ASTN1: variants seen among roughly 807,000 people sequenced by gnomAD.
The protein encoded by ASTN1 is astrotactin 1.
In ASTN1, 41 loss-of-function variants were observed where a neutral mutation model predicts 140.7. The ratio of observed to expected loss-of-function variants is 0.29; its 90% confidence interval spans 0.23 to 0.38. The LOEUF is 0.38. Among genes scored for constraint, ASTN1 ranks in the 10% least tolerant of loss-of-function variants. The probability of loss-of-function intolerance (pLI) is 1.00; values close to 1 mark genes in which losing one functional copy is unlikely to be tolerated. For synonymous variants in ASTN1, 640 were observed against 652.2 expected (o/e 0.98, Z 0.29); for missense variants, 1,479 against 1,678.8 (o/e 0.88, Z 2.08).
chr1:176,891,650 G>A lies in ASTN1; in HGVS notation c.2940+2912C>T, dbSNP rs1313622686. 2.0e-5 allele frequency among the ~76,000 whole-genome samples: 3 copies of A among 152,180 alleles called. No homozygotes were observed. The East Asian group carries it at 5.8e-4, about 30-fold the overall frequency. On this transcript the variant is annotated intron_variant, in intron 17 of 22. Transcript: ENST00000361833. The stretch of plus-strand genomic sequence containing the variant: ...CTCTACCAAAAATACAAAATTAGCT[G>A]AGCATGGTGGCACATGCCTGTAATC...
chr1:177,085,045 C>T (rs1679363165), intron 1 of ASTN1, among the ~76,000 whole-genome samples: 1 of 152,030 alleles, frequency 6.6e-6, no homozygotes, highest in Admixed American at 6.6e-5. Context: ...GAGAAATGAA[C>T]CCAGGAAAGG....
intron 1 of ASTN1, among the ~76,000 whole-genome samples, chr1:177,105,036 C>T (rs1337567826): frequency 2.6e-5 from 4 of 152,064 alleles, no homozygotes; most frequent in African/African-American, 9.7e-5. Flanking sequence ...AGACTCACTG[C>T]CTAGGGAGTC....
intron 16 of ASTN1, among the ~76,000 whole-genome samples, chr1:176,931,249 C>T (rs1268872354): frequency 6.6e-6 from 1 of 152,082 alleles, no homozygotes; most frequent in Non-Finnish European, 1.5e-5. Flanking sequence ...GGCAGATCAC[C>T]TGAGGTCGGG....
At chr1:177,032,414 G>T in intron 3 of ASTN1, 42 bp downstream of exon 3, 1 of 1,588,864 alleles carries the variant, frequency 6.3e-7, no homozygotes, top group Non-Finnish European at 8.6e-7. Flanking sequence ...AGCTCCTTGA[G>T]ATGAAGGACC....
chr1:176,924,459 T>C (rs1321491101), intron 16 of ASTN1, among the ~76,000 whole-genome samples: 1 of 152,226 alleles, frequency 6.6e-6, no homozygotes, highest in African/African-American at 2.4e-5. Context: ...CTCTGGTACA[T>C]CAACTGGCTT....
At chr1:177,158,114 C>T (rs1683315547) in intron 1 of ASTN1, among the ~76,000 whole-genome samples, 3 of 152,198 alleles carry the variant, frequency 2.0e-5, no homozygotes, top group Admixed American at 6.5e-5. Flanking sequence ...AAGCATCAGG[C>T]ATATACATTT....
At chr1:177,071,545 C>G (rs908229890) in intron 1 of ASTN1, among the ~76,000 whole-genome samples, 1 of 152,174 alleles carries the variant, frequency 6.6e-6, no homozygotes, top group African/African-American at 2.4e-5. Flanking sequence ...AGGGAACAGG[C>G]TTTCCACCCC....
chr1:176,876,419 C>T (rs1426186795), intron 21 of ASTN1, 118 bp downstream of exon 21: 5 of 1,081,124 alleles, frequency 4.6e-6, no homozygotes, highest in South Asian at 1.5e-5. Flanking sequence ...TTGAATTCTC[C>T]TTCCCTGCTG....
chr1:176,910,390 C>T (rs1224090413), intron 16 of ASTN1, among the ~76,000 whole-genome samples: 1 of 152,140 alleles, frequency 6.6e-6, no homozygotes, highest in African/African-American at 2.4e-5. Flanking sequence ...AGTCAGAAGA[C>T]CCTAACAAAC....
chr1:176,993,647 G>C (rs1316185089), intron 8 of ASTN1, among the ~76,000 whole-genome samples: 1 of 152,150 alleles, frequency 6.6e-6, no homozygotes, highest in Non-Finnish European at 1.5e-5. Context: ...GACTCTATTA[G>C]CTTGTCATTT....
chr1:177,120,009 T>A (rs555653577), intron 1 of ASTN1, among the ~76,000 whole-genome samples: 1 of 152,110 alleles, frequency 6.6e-6, no homozygotes, highest in Non-Finnish European at 1.5e-5. Flanking sequence ...AGGAACTTGA[T>A]AAAGAATCCA....
At chr1:177,104,018 C>T (rs761467618) in intron 1 of ASTN1, among the ~76,000 whole-genome samples, 3 of 152,100 alleles carry the variant, frequency 2.0e-5, no homozygotes, top group Non-Finnish European at 1.5e-5. Context: ...CGTGCAGTAA[C>T]GCATCCAACA....
chr1:176,912,720 G>T (rs915969791), intron 16 of ASTN1, among the ~76,000 whole-genome samples: 1 of 152,156 alleles, frequency 6.6e-6, no homozygotes, highest in African/African-American at 2.4e-5. Context: ...AAGGAACACA[G>T]GGGGATGGTG....
At chr1:177,007,048 G>A (rs113543908) in intron 8 of ASTN1, among the ~76,000 whole-genome samples, 28 of 152,238 alleles carry the variant, frequency 1.8e-4, no homozygotes, top group Admixed American at 5.2e-4. Flanking sequence ...TTGACTACCA[G>A]CTATGTGACC....
In ASTN1 at chr1:176,958,135, G is replaced by A. The variant is rs151195564; in HGVS notation, c.1736+210C>T. 2.8e-3 allele frequency among the ~76,000 whole-genome samples: 429 copies of A among 152,308 alleles called. 1 individual carries two copies. Among genetic ancestry groups the A allele is most frequent in the South Asian group, 0.013 (63 of 4,828 alleles). The stretch of plus-strand genomic sequence containing the variant: ...AAGTGCTTACAAACTCTAATTTTAT[G>A]TCTTCTTCCAGTGAATGAGCCTTGG... On this transcript the variant is annotated intron_variant, in intron 10 of 22. Transcript: ENST00000361833.
intron 19 of ASTN1, among the ~76,000 whole-genome samples, chr1:176,883,723 G>T (rs1181129284): frequency 6.6e-6 from 1 of 152,174 alleles, no homozygotes; most frequent in Non-Finnish European, 1.5e-5. Context: ...CATCCTGCTG[G>T]TGACCACATC....
chr1:177,020,038 A>T (rs1043066462), intron 7 of ASTN1, among the ~76,000 whole-genome samples: 1 of 152,052 alleles, frequency 6.6e-6, no homozygotes, highest in Non-Finnish European at 1.5e-5. Context: ...GTGTTGCACC[A>T]CCATGCCTGT....
chr1:177,157,695 G>A (rs1226065914), intron 1 of ASTN1, among the ~76,000 whole-genome samples: 3 of 151,844 alleles, frequency 2.0e-5, no homozygotes, highest in African/African-American at 4.8e-5. Context: ...GAAGCTTTGA[G>A]GCCCTCTTTT....
intron 2 of ASTN1, among the ~76,000 whole-genome samples, chr1:177,059,752 C>T (rs537544063): frequency 6.6e-6 from 1 of 152,256 alleles, no homozygotes; most frequent in South Asian, 2.1e-4. Context: ...GTCTAAAATG[C>T]ACTCAGTTTC....
Sources: allele counts gnomAD v4.1 joint callset (sites outside exome capture counted in the v4.1 genomes callset), GRCh38; gene constraint gnomAD v4.1.1; transcripts MANE v1.5; gene names NCBI Gene and HGNC (gene_info 2026-07-23, HGNC 2026-07-21).